Variants in SPIDR observed in about 807,000 individuals in gnomAD.
SPIDR encodes DNA repair-scaffolding protein.
A neutral mutation model predicts 104.6 loss-of-function variants in SPIDR; 93 were observed. The ratio of observed to expected loss-of-function variants is 0.89; its 90% CI spans 0.75 to 1.06. The LOEUF is 1.06. Ranked by LOEUF, SPIDR falls within the 50% of genes least tolerant of loss-of-function variation. The pLI is 0.00. For missense variants in SPIDR, 1,154 were observed against 1,111.2 expected (o/e 1.04, Z -0.55); for synonymous variants, 431 against 416.9 (o/e 1.03, Z -0.41).
intron 8 of SPIDR, among the ~76,000 whole-genome samples, chr8:47,535,320 G>C (rs2086718148): frequency 6.6e-6 from 1 of 152,156 alleles, no homozygotes; most frequent in Non-Finnish European, 1.5e-5. Flanking sequence ...CTAAGTGCAG[G>C]AGCAAGACAA....
intron 8 of SPIDR, among the ~76,000 whole-genome samples, chr8:47,571,315 A>G (rs1316192714): frequency 6.6e-6 from 1 of 152,180 alleles, no homozygotes; most frequent in Non-Finnish European, 1.5e-5. Context: ...AGAACATGTG[A>G]GTAGATGGAG....
intron 11 of SPIDR, among the ~76,000 whole-genome samples, chr8:47,681,135 CCTT>C (rs1386096722): frequency 6.6e-6 from 1 of 152,212 alleles, no homozygotes; most frequent in African/African-American, 2.4e-5. Context: ...ACAGTAGACA[CCTT>C]CTACCTGAGC....
At chr8:47,715,969 T>C (rs900377772) in intron 16 of SPIDR, among the ~76,000 whole-genome samples, 14 of 148,848 alleles carry the variant, frequency 9.4e-5, no homozygotes, top group South Asian at 6.4e-4. Context: ...TTTTTCTTTT[T>C]TTTTTTTTTT....
intron 1 of SPIDR, among the ~76,000 whole-genome samples, chr8:47,261,525 C>G (rs1459279434): frequency 6.6e-6 from 1 of 152,210 alleles, no homozygotes; most frequent in Non-Finnish European, 1.5e-5. Context: ...TTGATTGCAC[C>G]TGTATCCGCG....
chr8:47,349,943 G>A (rs1044477763), intron 5 of SPIDR, among the ~76,000 whole-genome samples: 3 of 152,140 alleles, frequency 2.0e-5, no homozygotes, highest in Admixed American at 6.5e-5. Flanking sequence ...GCGATGCCCC[G>A]CCCTGCTTCG....
intron 5 of SPIDR, 92 bp downstream of exon 5, chr8:47,294,122 T>G: frequency 1.3e-6 from 2 of 1,490,820 alleles, no homozygotes; most frequent in South Asian, 2.8e-5. Context: ...TTTCCTGTCC[T>G]TCCTCGAGAA....
chr8:47,557,250 A>G (rs1273981893), intron 8 of SPIDR, among the ~76,000 whole-genome samples: 2 of 152,178 alleles, frequency 1.3e-5, no homozygotes, highest in Non-Finnish European at 2.9e-5. Context: ...GAAGGAGAAG[A>G]TGGAAAAAAG....
In SPIDR at chr8:47,328,417, A is replaced by AT. The variant is rs782106826; in HGVS notation, c.525+34403dup. 3.9e-3 allele frequency among the ~76,000 whole-genome samples: 527 copies of AT among 134,996 alleles called. 2 individuals are homozygous for AT. The highest frequency in any genetic ancestry group is 7.8e-3 in the African/African-American group (286 of 36,670). 88.6% of individuals were successfully genotyped at this position (134,996 alleles called of 152,430 possible). A position where few individuals can be genotyped will look rare whatever the true frequency, so the allele number is the denominator to read the frequency against. ...AAGACTTCACCAAGACTGGCTAATT[A>AT]TTTTTTTTTTTTTTTTCAGAGATGG... On this transcript the variant is annotated intron_variant, in intron 5 of 19. Coordinates refer to ENST00000297423, the MANE Select transcript of SPIDR (RefSeq NM_001080394.4).
At chr8:47,281,324 C>A (rs2037733069) in intron 2 of SPIDR, among the ~76,000 whole-genome samples, 2 of 152,078 alleles carry the variant, frequency 1.3e-5, no homozygotes, top group African/African-American at 4.8e-5. Context: ...TAAAATAAGG[C>A]AAAAGTGAAG....
intron 10 of SPIDR, among the ~76,000 whole-genome samples, chr8:47,646,301 TTGG>T (rs879582897): frequency 4.5e-4 from 69 of 152,188 alleles, no homozygotes; most frequent in Non-Finnish European, 7.1e-4. Flanking sequence ...CACTCTTCCT[TTGG>T]TGGAGGGAGA....
At position 47,646,672 on chromosome 8, in the gene SPIDR, T is replaced by A. The variant is rs2070420439; in HGVS notation, c.1545-27129T>A. 2.0e-5 allele frequency among the ~76,000 whole-genome samples: 3 copies of A among 152,324 alleles called. No individual in the cohort carries two copies. The South Asian group carries it at 6.2e-4, about 32-fold the overall frequency. ...GAATGGTGGGATGCTTGAAATGGGC[T>A]ATATTCCTTGAATATATAGAGAGAA... is the stretch of plus-strand genomic sequence containing the variant. On this transcript the variant is annotated intron_variant, in intron 10 of 19. Transcript: ENST00000297423.
intron 14 of SPIDR, among the ~76,000 whole-genome samples, chr8:47,709,564 CCAT>C (rs2081559293): frequency 2.6e-5 from 4 of 152,218 alleles, no homozygotes; most frequent in African/African-American, 9.6e-5. Context: ...GCGTGAGCCA[CCAT>C]GCCCGGCCAG....
rs116344960 is a variant in SPIDR, at chr8:47,361,870, A to T, written c.526-34506A>T. 4.0e-3 allele frequency among the ~76,000 whole-genome samples: 614 copies of T among 152,304 alleles called. 4 individuals are homozygous for T. The highest frequency in any genetic ancestry group is 0.014 in the African/African-American group (601 of 41,554). On this transcript the variant is annotated intron_variant, in intron 5 of 19. Coordinates refer to ENST00000297423, the MANE Select transcript of SPIDR (RefSeq NM_001080394.4). ...GGTTTGAGAGAACAGGCCCTTCATG[A>T]TGAAAGTTAGGGATGCAGGGACCCT...
At position 47,640,192 on chromosome 8, in the gene SPIDR, G is replaced by C. The variant is rs148006904; in HGVS notation, c.1545-33609G>C. ...TGCCATTTAATGCTGCAGAGCTATT[G>C]GCCAACACCCTGAGATCTTTTGTTA... is the stretch of plus-strand genomic sequence containing the variant. On this transcript the variant is annotated intron_variant, in intron 10 of 19. Transcript: ENST00000297423. 1.4e-4 allele frequency among the ~76,000 whole-genome samples: 21 copies of C among 152,242 alleles called. No homozygotes were observed. In the East Asian group the frequency reaches 4.1e-3, roughly 29 times the overall value.
At chr8:47,712,258 A>G (rs1156935932) in intron 14 of SPIDR, among the ~76,000 whole-genome samples, 1 of 152,274 alleles carries the variant, frequency 6.6e-6, no homozygotes, top group Non-Finnish European at 1.5e-5. Context: ...TCTGAGGGCA[A>G]GTAAGATCTG....
At chr8:47,362,690 T>G (rs1554631022) in intron 5 of SPIDR, among the ~76,000 whole-genome samples, 1 of 152,242 alleles carries the variant, frequency 6.6e-6, no homozygotes, top group Non-Finnish European at 1.5e-5. Flanking sequence ...TCTGACTCTG[T>G]CACCCAGGCT....
intron 8 of SPIDR, among the ~76,000 whole-genome samples, chr8:47,518,007 C>T (rs777548949): frequency 3.3e-5 from 5 of 152,090 alleles, no homozygotes; most frequent in Non-Finnish European, 7.4e-5. Flanking sequence ...TAATCTCTTT[C>T]GTTAAGCTAA....
chr8:47,611,152 T>C (rs2154430939), intron 10 of SPIDR, among the ~76,000 whole-genome samples: 1 of 152,316 alleles, frequency 6.6e-6, no homozygotes, highest in East Asian at 1.9e-4. Flanking sequence ...TCCATGGAGT[T>C]GTGCTACAAA....
At chr8:47,690,684 TG>T (rs1048350701) in intron 11 of SPIDR, among the ~76,000 whole-genome samples, 1 of 152,054 alleles carries the variant, frequency 6.6e-6, no homozygotes, top group Non-Finnish European at 1.5e-5. Flanking sequence ...CCAGGCATGG[TG>T]GCATGCGCCT....
Sources: gnomAD v4.1 joint callset for allele counts (sites outside exome capture counted in the v4.1 genomes callset) on GRCh38, gnomAD v4.1.1 for gene constraint, MANE v1.5 for transcripts, NCBI Gene and HGNC (gene_info 2026-07-23, HGNC 2026-07-21) for gene names.